Variants in RBFOX1 observed in about 807,000 individuals in gnomAD.
RBFOX1 encodes the protein RNA binding protein fox-1 homolog 1.
RBFOX1 carries 8 observed loss-of-function variants against 57.7 expected under a neutral mutation model. The ratio of observed to expected loss-of-function variants is 0.14; its 90% confidence interval spans 0.08 to 0.25. The LOEUF is 0.25. Among genes scored for constraint, RBFOX1 ranks in the 10% least tolerant of loss-of-function variants. The pLI is 1.00. For synonymous variants in RBFOX1, 326 were observed against 222.4 expected, an observed-to-expected ratio of 1.47 and a Z score of -4.15; for missense variants, 611 against 548.5, an observed-to-expected ratio of 1.11 and a Z score of -1.14.
chr16:5,760,671 A>T (rs755853610), intron 3 of RBFOX1, among the ~76,000 whole-genome samples: 2 of 152,206 alleles, frequency 1.3e-5, no homozygotes, highest in Admixed American at 1.3e-4. Flanking sequence ...GTACAATTCA[A>T]TTTATATGAA....
At chr16:7,350,435 C>A (rs1217551341) in intron 4 of RBFOX1, among the ~76,000 whole-genome samples, 1 of 152,182 alleles carries the variant, frequency 6.6e-6, no homozygotes. Context: ...AGGTCCCATT[C>A]CACCTTGTAG....
intron 3 of RBFOX1, among the ~76,000 whole-genome samples, chr16:5,802,367 T>C (rs1026844609): frequency 5.9e-5 from 9 of 151,998 alleles, no homozygotes; most frequent in African/African-American, 2.2e-4. Flanking sequence ...TGCGTGTGAG[T>C]CTTCCCAAAG....
rs148184043 is a variant in RBFOX1 at position 6,976,331 on chromosome 16, C to G, written c.-15-75726C>G. Reference sequence around the variant, plus strand: ...GCTTTAGAGGCCACACTCTAAATTTCTCCTCTATCCTTGTTCTAGCATTCA... The same window carrying G: ...GCTTTAGAGGCCACACTCTAAATTTGTCCTCTATCCTTGTTCTAGCATTCA... On this transcript the variant is annotated intron_variant, in intron 3 of 15. Transcript: ENST00000550418. Among the ~76,000 whole-genome samples, 6 of 152,274 alleles carry G rather than the reference C, an allele frequency of 3.9e-5. No individual in the cohort carries two copies. In the East Asian group the frequency reaches 9.6e-4, roughly 24 times the overall value.
intron 2 of RBFOX1, among the ~76,000 whole-genome samples, chr16:5,488,071 T>C (rs1261474038): frequency 1.3e-5 from 2 of 151,758 alleles, no homozygotes; most frequent in African/African-American, 4.8e-5. Context: ...GTGATGGTGA[T>C]GATAATGGAG....
At chr16:7,645,461 C>G in intron 11 of RBFOX1, among the ~76,000 whole-genome samples, 1 of 152,172 alleles carries the variant, frequency 6.6e-6, no homozygotes, top group East Asian at 1.9e-4. Flanking sequence ...CACATCTTGC[C>G]TTTCATAATA....
intron 1 of RBFOX1, among the ~76,000 whole-genome samples, chr16:6,261,871 C>CA (rs1555587550): frequency 7.3e-5 from 11 of 150,880 alleles, no homozygotes; most frequent in Admixed American, 5.3e-4. Context: ...AAAACAAAAA[C>CA]AAAAAAAACC....
At chr16:6,307,420 G>T (rs572149401) in intron 1 of RBFOX1, among the ~76,000 whole-genome samples, 16 of 151,676 alleles carry the variant, frequency 1.1e-4, no homozygotes, top group Admixed American at 7.2e-4. Flanking sequence ...TATTAATATT[G>T]TCCAATACTA....
intron 2 of RBFOX1, among the ~76,000 whole-genome samples, chr16:6,383,977 A>C (rs1427013520): frequency 6.6e-6 from 1 of 151,986 alleles, no homozygotes; most frequent in Non-Finnish European, 1.5e-5. Flanking sequence ...CCTTCTCTGC[A>C]GTACATTTAC....
At chr16:5,373,637 C>G (rs1355306859) in intron 1 of RBFOX1, among the ~76,000 whole-genome samples, 2 of 151,922 alleles carry the variant, frequency 1.3e-5, no homozygotes, top group Admixed American at 6.6e-5. Flanking sequence ...TGGAATCTCT[C>G]TCTGTCACCC....
chr16:7,381,389 A>T (rs563588249), intron 4 of RBFOX1, among the ~76,000 whole-genome samples: 1 of 152,348 alleles, frequency 6.6e-6, no homozygotes, highest in Admixed American at 6.5e-5. Context: ...TGAAATTTAA[A>T]ATCCTTAAAC....
chr16:5,882,860 A>G (rs772931273), intron 4 of RBFOX1, among the ~76,000 whole-genome samples: 2 of 152,242 alleles, frequency 1.3e-5, no homozygotes, highest in Non-Finnish European at 2.9e-5. Flanking sequence ...AGAGTCTGCA[A>G]ATGAAACACT....
At chr16:7,677,160 C>CACACAG (rs1555762483) in intron 14 of RBFOX1, among the ~76,000 whole-genome samples, 1 of 151,228 alleles carries the variant, frequency 6.6e-6, no homozygotes, top group South Asian at 2.1e-4. Context: ...CACACACACA[C>CACACAG]CGTACAACCT....
rs2083898858 is a variant in RBFOX1 at position 7,710,842 on chromosome 16, T to TC, written c.*98dup. On this transcript the variant is annotated 3_prime_UTR_variant, in exon 16 of 16. Coordinates refer to ENST00000550418, the MANE Select transcript of RBFOX1 (RefSeq NM_018723.4). The stretch of plus-strand genomic sequence containing the variant: ...TGCAGTAGTACATCATTTTAGCAAC[T>TC]CTAAAAAAAAAAAAAATACAAATAA... The TC allele has an allele frequency of 3.6e-6, 3 of 841,872 alleles. No homozygotes were observed. Among genetic ancestry groups the TC allele is most frequent in the South Asian group, 5.4e-5 (1 of 18,590 alleles). The allele number at this position is 841,872 out of a possible 1,614,324, so 52.2% of individuals were successfully genotyped here.
chr16:7,105,440 A>G, intron 4 of RBFOX1, among the ~76,000 whole-genome samples: 1 of 152,102 alleles, frequency 6.6e-6, no homozygotes, highest in East Asian at 1.9e-4. Context: ...CAAGCAGTAT[A>G]CACTGCACCC....
At chr16:6,080,398 G>T (rs2095982846) in intron 1 of RBFOX1, among the ~76,000 whole-genome samples, 1 of 152,144 alleles carries the variant, frequency 6.6e-6, no homozygotes, top group Non-Finnish European at 1.5e-5. Flanking sequence ...TTGACCTACT[G>T]GGACCACTTG....
At chr16:7,679,818 T>C (rs2074283610) in intron 14 of RBFOX1, among the ~76,000 whole-genome samples, 1 of 152,002 alleles carries the variant, frequency 6.6e-6, no homozygotes, top group Admixed American at 6.6e-5. Context: ...AAGAAGACCA[T>C]CTGGTGTGGG....
intron 2 of RBFOX1, among the ~76,000 whole-genome samples, chr16:5,528,565 T>TTTTC (rs1555457752): frequency 3.7e-5 from 5 of 135,316 alleles, no homozygotes; most frequent in East Asian, 2.3e-4. Context: ...TTTTTTTTTT[T>TTTTC]CTGGCTTCTT....
chr16:7,545,349 C>G (rs549075730), intron 5 of RBFOX1, among the ~76,000 whole-genome samples: 2 of 152,116 alleles, frequency 1.3e-5, no homozygotes, highest in South Asian at 4.2e-4. Context: ...GTTTGCAATC[C>G]TCTTGGCCCC....
chr16:6,852,725 C>T (rs1383316404), intron 3 of RBFOX1, among the ~76,000 whole-genome samples: 1 of 151,014 alleles, frequency 6.6e-6, no homozygotes, highest in Admixed American at 6.6e-5. Context: ...GAGGCGTGGG[C>T]TGGGAACTAG....
Sources: gnomAD v4.1 joint callset for allele counts (sites outside exome capture counted in the v4.1 genomes callset) on GRCh38, gnomAD v4.1.1 for gene constraint, MANE v1.5 for transcripts, NCBI Gene and HGNC (gene_info 2026-07-23, HGNC 2026-07-21) for gene names.